Variants in FLOT1 observed in about 807,000 individuals in gnomAD.
The protein encoded by FLOT1 is flotillin-1.
FLOT1 carries 40 observed loss-of-function variants against 58.4 expected under a neutral mutation model. That is an observed-to-expected ratio of 0.69 (90% CI 0.53 to 0.89). The LOEUF is 0.89. Ranked by LOEUF, FLOT1 falls within the 40% of genes least tolerant of loss-of-function variation. The pLI, the probability that FLOT1 is intolerant of heterozygous loss-of-function variation, is 0.00. For missense variants in FLOT1, 423 were observed against 540.8 expected, an observed-to-expected ratio of 0.78 and a Z score of 2.16; for synonymous variants, 178 against 204.2, an observed-to-expected ratio of 0.87 and a Z score of 1.09.
At chr6:30,729,317 G>A (rs944352391) in intron 12 of FLOT1, among the ~76,000 whole-genome samples, 1 of 151,782 alleles carries the variant, frequency 6.6e-6, no homozygotes, top group East Asian at 1.9e-4. Flanking sequence ...AACCTCAGGT[G>A]ATCTGCCTGC....
chr6:30,731,356 AT>A (rs1777180725), intron 8 of FLOT1, among the ~76,000 whole-genome samples: 1 of 151,966 alleles, frequency 6.6e-6, no homozygotes, highest in Admixed American at 6.6e-5. Context: ...GTGGTGGCGA[AT>A]GCCTGTAGTC....
chr6:30,731,472 A>G (rs999780848), intron 8 of FLOT1, among the ~76,000 whole-genome samples: 5 of 145,388 alleles, frequency 3.4e-5, no homozygotes, highest in African/African-American at 1.3e-4. Context: ...GCAACAGAGT[A>G]AGACTCCATC....
rs1777083631 is a variant in FLOT1 at position 30,730,461 on chromosome 6, A to G, written c.1056T>C (p.Ala352=). The G allele has an allele frequency of 6.3e-7, 1 of 1,596,170 alleles. No homozygotes were observed. The highest frequency in any genetic ancestry group is 8.6e-7 in the Non-Finnish European group (1 of 1,168,334). The change falls in exon 11 of 13, where the codon GCT becomes GCC. Residue 352 remains alanine (A), a synonymous_variant. Coordinates refer to ENST00000376389, the MANE Select transcript of FLOT1 (RefSeq NM_005803.4). The part of the protein sequence containing the change: ...AEAFQLYQEA[A]QLDMLLEKLP... ...GCTTCTCTAGCAGCATGTCCAGCTG[A>G]GCAGCCTCTTGGTACAGCTGGAAGG...
rs958067280 is a variant in FLOT1, at chr6:30,742,168, T to C, written c.22A>G (p.Asn8Asp). 1 of 1,612,904 alleles carries C rather than the reference T, an allele frequency of 6.2e-7. No homozygotes were observed. The highest frequency in any genetic ancestry group is 8.5e-7 in the Non-Finnish European group (1 of 1,180,000). MFFTCGP[N>D]EAMVVSGFCR... The stretch of plus-strand genomic sequence containing the variant: ...TTACCGGAGACCACCATGGCCTCAT[T>C]TGGGCCACAAGTGAAAAACATGGTT... Residue 8 changes from asparagine (N) to aspartate (D), a missense_variant, in exon 2 of 13, where the codon AAT becomes GAT. Physicochemically the swap from Asn to Asp is conservative, Grantham distance 23. This residue lies in a region of FLOT1 where 91 missense variants were observed against 118.3 expected (regional missense o/e 0.77). Transcript: ENST00000376389. The surrounding 1 kb of genome is among the most constrained non-coding windows in gnomAD (Gnocchi z 5.2).
Position 30,738,342 on chromosome 6 carries a change from G to T in FLOT1, c.723+1816C>A, listed in dbSNP as rs117702367. 8.6e-3 allele frequency among the ~76,000 whole-genome samples: 1,297 copies of T among 150,320 alleles called. 24 individuals are homozygous for T. Among genetic ancestry groups the T allele is most frequent in the East Asian group, 0.074 (381 of 5,138 alleles). On this transcript the variant is annotated intron_variant, in intron 8 of 12. Transcript: ENST00000376389. ...CCAGGAATTTAACATAATAACAAAA[G>T]ATGTTTTTACCTTCATTATGCTTTC...
Position 30,730,115 on chromosome 6 carries a change from G to A in FLOT1, c.1161C>T (p.Thr387=), listed in dbSNP as rs200728934. Residue 387 remains threonine, a synonymous_variant, in exon 12 of 13, where the codon ACC becomes ACT. Transcript: ENST00000376389. ...KITLVSSGSG[T]MGAAKVTGEV... ...CCCCAGTCACTTTGGCTGCCCCCAT[G>A]GTCCCACTGCCGCTGGACACCAGTG... 658 of 1,612,960 alleles carry A rather than the reference G, an allele frequency of 4.1e-4. 3 individuals carry two copies. In the South Asian group the frequency reaches 4.5e-3, roughly 11 times the overall value.
chr6:30,729,415 C>T (rs894721783), intron 12 of FLOT1, among the ~76,000 whole-genome samples: 2 of 152,122 alleles, frequency 1.3e-5, no homozygotes, highest in African/African-American at 4.8e-5. Context: ...TTACTATATA[C>T]CAGGCACTAT....
intron 9 of FLOT1, 33 bp from the exon 10 acceptor site, chr6:30,730,760 C>A: frequency 6.2e-7 from 1 of 1,612,726 alleles, no homozygotes; most frequent in Middle Eastern, 1.7e-4. Context: ...GGGTGGAGCC[C>A]AGCAGCCCTT....
chr6:30,732,124 TCTGG>T (rs912801304), intron 8 of FLOT1, among the ~76,000 whole-genome samples: 1 of 151,588 alleles, frequency 6.6e-6, no homozygotes, highest in African/African-American at 2.4e-5. Context: ...TGCTACCATG[TCTGG>T]CTAATTTTTG....
At position 30,730,742 on chromosome 6, in the gene FLOT1, G is replaced by A. The variant is rs181822731; in HGVS notation, c.906-15C>T. On this transcript the variant is annotated splice_polypyrimidine_tract_variant and intron_variant, in intron 9 of 12. Coordinates refer to ENST00000376389, the MANE Select transcript of FLOT1 (RefSeq NM_005803.4). ...TTAGTTGGGACCTGTGGACAGAAGG[G>A]AAGTGGAGGGTGGAGCCCAGCAGCC... 5.5e-4 allele frequency: 894 copies of A among 1,613,042 alleles called. 3 individuals carry two copies. The highest frequency in any genetic ancestry group is 5.0e-3 in the Middle Eastern group (30 of 5,960).
In FLOT1 at chr6:30,740,422, C is replaced by T. The variant is rs534631687; in HGVS notation, c.570+74G>A. 5.5e-4 allele frequency: 867 copies of T among 1,587,064 alleles called. 10 individuals carry two copies. The South Asian group carries it at 8.6e-3, about 16-fold the overall frequency. ...CTGCCTCATGTATTTTCCCTGCTCA[C>T]CCAGCACCCCTGCTTCTTCTCAGTT... On this transcript the variant is annotated intron_variant, in intron 7 of 12. Coordinates refer to ENST00000376389, the MANE Select transcript of FLOT1 (RefSeq NM_005803.4).
chr6:30,737,271 T>TCCATCCATCC lies in FLOT1; in HGVS notation c.723+2886_723+2887insGGATGGATGG, dbSNP rs879284208. 1.2e-3 allele frequency among the ~76,000 whole-genome samples: 176 copies of TCCATCCATCC among 151,718 alleles called. No individual in the cohort carries two copies. The highest frequency in any genetic ancestry group is 3.7e-3 in the African/African-American group (152 of 41,280). The stretch of plus-strand genomic sequence containing the variant: ...GTCCATCCGTCCATCCATCCATCCA[T>TCCATCCATCC]ATATCTATCTTAGAAGGAGTCTCGC... On this transcript the variant is annotated intron_variant, in intron 8 of 12. Transcript: ENST00000376389. The surrounding 1 kb of genome is among the most constrained non-coding windows in gnomAD (Gnocchi z 4.4).
At chr6:30,730,333 C>T in intron 11 of FLOT1, 95 bp downstream of exon 11, 1 of 1,501,928 alleles carries the variant, frequency 6.7e-7, no homozygotes, top group Non-Finnish European at 9.0e-7. Context: ...TTTAGAGTCC[C>T]CCTAGGCTGT....
Position 30,740,178 on chromosome 6 carries a change from C to G in FLOT1, c.703G>C (p.Asp235His). 6.2e-7 allele frequency: 1 copy of G among 1,613,034 alleles called. No homozygotes were observed. Among genetic ancestry groups the G allele is most frequent in the Non-Finnish European group, 8.5e-7 (1 of 1,180,004 alleles). Residue 235 changes from aspartate (D) to histidine (H), a missense_variant, in exon 8 of 13, where the codon GAC becomes CAC. Coordinates refer to ENST00000376389, the MANE Select transcript of FLOT1 (RefSeq NM_005803.4). ...IEVNTRRAQA[D>H]LAYQLQVAKT... ...CTGACCTGAAGCTGATAGGCCAGGT[C>G]AGCCTGTGCTCGGCGGGTGTTGACC...
intron 8 of FLOT1, among the ~76,000 whole-genome samples, chr6:30,736,600 G>GCTT (rs200578002): frequency 0.054 from 8,102 of 149,198 alleles, 404 homozygotes; most frequent in African/African-American, 0.13. Flanking sequence ...CTCATCTTTT[G>GCTT]CTTTTTTTTT....
chr6:30,729,833 T>G (rs1478964096), intron 12 of FLOT1, among the ~76,000 whole-genome samples, 189 bp downstream of exon 12: 2 of 152,316 alleles, frequency 1.3e-5, no homozygotes, highest in South Asian at 4.1e-4. Flanking sequence ...TAAAATCCTA[T>G]ATACCCTAAT....
chr6:30,736,169 T>C (rs1015369253), intron 8 of FLOT1: 12 of 152,144 alleles, frequency 7.9e-5, no homozygotes, highest in African/African-American at 2.9e-4. Flanking sequence ...GGAGTATTGC[T>C]TGAGCCCAGG....
Position 30,741,480 on chromosome 6 carries a change from G to A in FLOT1, c.210+134C>T, listed in dbSNP as rs1457968824. ...AGGAGGCAAGTGCCTTGGGGTGCCT[G>A]GAAAAGATGAGACTAGCAGAGGAAC... is the stretch of plus-strand genomic sequence containing the variant. On this transcript the variant is annotated intron_variant, in intron 4 of 12. Transcript: ENST00000376389. This position sits in a 1 kb window ranked among gnomAD's most constrained non-coding sequence, Gnocchi z 5.9. 3 of 1,291,852 alleles carry A rather than the reference G, an allele frequency of 2.3e-6. No homozygotes were observed. The Admixed American group carries it at 5.5e-5, about 24-fold the overall frequency. The allele number at this position is 1,291,852 out of a possible 1,614,324, so 80.0% of individuals were successfully genotyped here. A position where few individuals can be genotyped will look rare whatever the true frequency, so the allele number is the denominator to read the frequency against.
In FLOT1 at chr6:30,741,897, G is replaced by A; in HGVS notation, c.44-30C>T. ...AAGGTGTGGGGCAGTGAGGAACGGTGGCAGAGCTTGAATGTGGAAGACTGA... is the reference window on the plus strand; with the variant it reads ...AAGGTGTGGGGCAGTGAGGAACGGTAGCAGAGCTTGAATGTGGAAGACTGA... On this transcript the variant is annotated intron_variant, in intron 2 of 12. Transcript: ENST00000376389. The surrounding 1 kb of genome is among the most constrained non-coding windows in gnomAD (Gnocchi z 5.9). 6.2e-7 allele frequency: 1 copy of A among 1,600,914 alleles called. No homozygotes were observed. The highest frequency in any genetic ancestry group is 8.5e-7 in the Non-Finnish European group (1 of 1,170,478).
Sources: gnomAD v4.1 joint callset for allele counts (sites outside exome capture counted in the v4.1 genomes callset) on GRCh38, gnomAD v4.1.1 for gene constraint, gnomAD v4.1.1 regional missense constraint, Gnocchi (gnomAD v3.1) non-coding constraint, MANE v1.5 for transcripts, NCBI Gene and HGNC (gene_info 2026-07-23, HGNC 2026-07-21) for gene names.